BABAM2: variants seen among roughly 807,000 people sequenced by gnomAD.
The protein encoded by BABAM2 is BRISC and BRCA1-A complex member 2.
BABAM2 carries 31 observed loss-of-function variants against 54.7 expected under a neutral mutation model. The ratio of observed to expected loss-of-function variants is 0.57; its 90% CI spans 0.43 to 0.77. The LOEUF (loss-of-function observed/expected upper bound fraction) is 0.77, where lower values mean the gene tolerates loss of function less well. Ranked by LOEUF, BABAM2 falls within the 30% of genes least tolerant of loss-of-function variation. The probability of loss-of-function intolerance (pLI) is 0.00; values close to 1 mark genes in which losing one functional copy is unlikely to be tolerated. For synonymous variants in BABAM2, 167 were observed against 162.9 expected, an observed-to-expected ratio of 1.03 and a Z score of -0.19; for missense variants, 364 against 455.8, an observed-to-expected ratio of 0.80 and a Z score of 1.83.
intron 3 of BABAM2, among the ~76,000 whole-genome samples, chr2:27,969,315 T>C (rs1223251669): frequency 6.6e-6 from 1 of 151,934 alleles, no homozygotes; most frequent in Non-Finnish European, 1.5e-5. Flanking sequence ...AACGGACTAA[T>C]ATAGGAGGTG....
intron 7 of BABAM2, among the ~76,000 whole-genome samples, chr2:28,167,094 T>A (rs868063654): frequency 2.6e-4 from 39 of 152,308 alleles, no homozygotes; most frequent in Middle Eastern, 3.4e-3. Context: ...GAAGATAAAC[T>A]TTTCAGGAAT....
chr2:28,116,365 C>T (rs564111264), intron 6 of BABAM2, among the ~76,000 whole-genome samples: 1 of 152,304 alleles, frequency 6.6e-6, no homozygotes, highest in African/African-American at 2.4e-5. Flanking sequence ...CCTCTGATCA[C>T]GTCAAGGGGA....
At chr2:28,128,419 G>A (rs1669757814) in intron 6 of BABAM2, among the ~76,000 whole-genome samples, 1 of 152,202 alleles carries the variant, frequency 6.6e-6, no homozygotes, top group Non-Finnish European at 1.5e-5. Context: ...TTATTCAGAA[G>A]TCTGGCAGAC....
chr2:28,104,768 A>G (rs2148713930), intron 6 of BABAM2, among the ~76,000 whole-genome samples: 1 of 152,314 alleles, frequency 6.6e-6, no homozygotes, highest in Non-Finnish European at 1.5e-5. Flanking sequence ...TATTCACAAT[A>G]GCAAAGACTT....
chr2:28,133,505 A>C (rs1290579852), intron 7 of BABAM2, among the ~76,000 whole-genome samples: 1 of 152,228 alleles, frequency 6.6e-6, no homozygotes, highest in Non-Finnish European at 1.5e-5. Context: ...TGCATTTGAC[A>C]GGGAGAGGCT....
At chr2:28,060,620 T>C (rs1678780135) in intron 6 of BABAM2, among the ~76,000 whole-genome samples, 1 of 152,176 alleles carries the variant, frequency 6.6e-6, no homozygotes, top group Non-Finnish European at 1.5e-5. Flanking sequence ...CTTCTAGAAC[T>C]AATAAGTGAA....
chr2:28,168,261 C>T (rs961021943), intron 7 of BABAM2, among the ~76,000 whole-genome samples: 1 of 152,216 alleles, frequency 6.6e-6, no homozygotes, highest in African/African-American at 2.4e-5. Context: ...TATATTCTTT[C>T]TATTCTTTGG....
chr2:27,954,578 G>A (rs759818623), intron 3 of BABAM2, among the ~76,000 whole-genome samples: 2 of 152,224 alleles, frequency 1.3e-5, no homozygotes, highest in African/African-American at 2.4e-5. Context: ...GTGGGAGAAT[G>A]AGTAACTTGG....
At chr2:27,965,009 T>A (rs1670739230) in intron 3 of BABAM2, among the ~76,000 whole-genome samples, 1 of 152,202 alleles carries the variant, frequency 6.6e-6, no homozygotes, top group South Asian at 2.1e-4. Context: ...TATAACTGCC[T>A]TATTGGAGAT....
chr2:28,234,501 A>T (rs890630282), intron 7 of BABAM2, among the ~76,000 whole-genome samples: 1 of 152,208 alleles, frequency 6.6e-6, no homozygotes, highest in African/African-American at 2.4e-5. Context: ...CCTTCCATGT[A>T]TATAATTTAA....
At chr2:28,222,319 C>T (rs1680489270) in intron 7 of BABAM2, among the ~76,000 whole-genome samples, 1 of 152,184 alleles carries the variant, frequency 6.6e-6, no homozygotes, top group African/African-American at 2.4e-5. Flanking sequence ...AAGATAATCT[C>T]CTCATGTCGG....
chr2:28,076,960 C>T (rs1274788304), intron 6 of BABAM2, among the ~76,000 whole-genome samples: 5 of 152,118 alleles, frequency 3.3e-5, no homozygotes, highest in Non-Finnish European at 7.4e-5. Flanking sequence ...GTTTTATCAA[C>T]TTGATATATT....
intron 6 of BABAM2, among the ~76,000 whole-genome samples, chr2:28,097,182 C>G (rs1024532929): frequency 6.6e-6 from 1 of 152,042 alleles, no homozygotes; most frequent in Admixed American, 6.6e-5. Context: ...AACCGTGATG[C>G]CTGCCAGCAA....
intron 3 of BABAM2, among the ~76,000 whole-genome samples, chr2:27,950,815 A>G (rs947977320): frequency 7.9e-5 from 12 of 152,158 alleles, no homozygotes; most frequent in Admixed American, 2.6e-4. Context: ...TACAAATTAA[A>G]TTTGCTTAAT....
At chr2:27,909,612 C>T (rs1351091910) in intron 2 of BABAM2, among the ~76,000 whole-genome samples, 3 of 152,176 alleles carry the variant, frequency 2.0e-5, no homozygotes, top group Non-Finnish European at 4.4e-5. Flanking sequence ...TTAAATTTCT[C>T]TAGCCTGCCC....
chr2:28,202,353 C>A (rs1050231020), intron 7 of BABAM2, among the ~76,000 whole-genome samples: 1 of 152,060 alleles, frequency 6.6e-6, no homozygotes, highest in Non-Finnish European at 1.5e-5. Flanking sequence ...TTGAGTCCCC[C>A]CTTCCCTGGA....
chr2:28,302,573 G>A lies in BABAM2; in HGVS notation c.1088+4082G>A, dbSNP rs116327439. ...TTATTAATAGAGCTGCTATGACCAA[G>A]CCTTTTTGTAGACATGTGTTTTCCT... is the stretch of plus-strand genomic sequence containing the variant. On this transcript the variant is annotated intron_variant, in intron 11 of 11. Transcript: ENST00000379624. Among the ~76,000 whole-genome samples, 701 of 152,270 alleles carry A rather than the reference G, an allele frequency of 4.6e-3. 7 individuals carry two copies. The highest frequency in any genetic ancestry group is 0.016 in the African/African-American group (661 of 41,556).
At chr2:28,122,581 G>A (rs1257939830) in intron 6 of BABAM2, among the ~76,000 whole-genome samples, 1 of 152,136 alleles carries the variant, frequency 6.6e-6, no homozygotes, top group African/African-American at 2.4e-5. Flanking sequence ...TACGTGACCT[G>A]TGATTTGCAG....
At chr2:27,978,277 C>T (rs1182207856) in intron 3 of BABAM2, among the ~76,000 whole-genome samples, 2 of 152,154 alleles carry the variant, frequency 1.3e-5, no homozygotes, top group African/African-American at 2.4e-5. Flanking sequence ...TTGTGATGTG[C>T]CTGCTCTCCC....
Sources: gnomAD v4.1 joint callset for allele counts (sites outside exome capture counted in the v4.1 genomes callset) on GRCh38, gnomAD v4.1.1 for gene constraint, MANE v1.5 for transcripts, NCBI Gene and HGNC (gene_info 2026-07-23, HGNC 2026-07-21) for gene names.